Variants in ZNF791 observed in about 807,000 individuals in gnomAD.
ZNF791 encodes the protein zinc finger protein 791.
In ZNF791, 4 loss-of-function variants were observed where a neutral mutation model predicts 11.5. The ratio of observed to expected loss-of-function variants is 0.35; its 90% CI spans 0.17 to 0.80. The LOEUF (loss-of-function observed/expected upper bound fraction) is 0.80, where lower values mean the gene tolerates loss of function less well. Among genes scored for constraint, ZNF791 ranks in the 30% least tolerant of loss-of-function variants. The probability of loss-of-function intolerance (pLI) is 0.53; values close to 1 mark genes in which losing one functional copy is unlikely to be tolerated. For synonymous variants in ZNF791, 212 were observed against 228.1 expected (o/e 0.93, Z 0.64); for missense variants, 559 against 699.4 (o/e 0.80, Z 2.26).
chr19:12,629,269 T>TA lies in ZNF791; in HGVS notation c.*12dup. The TA allele has an allele frequency of 7.0e-7, 1 of 1,436,156 alleles. No individual in the cohort carries two copies. The highest frequency in any genetic ancestry group is 9.2e-7 in the Non-Finnish European group (1 of 1,091,034). 89.0% of individuals were successfully genotyped at this position (1,436,156 alleles called of 1,614,324 possible). A position where few individuals can be genotyped will look rare whatever the true frequency, so the allele number is the denominator to read the frequency against. On this transcript the variant is annotated 3_prime_UTR_variant, in exon 4 of 4. Coordinates refer to ENST00000343325, the MANE Select transcript of ZNF791 (RefSeq NM_153358.3). Reference sequence around the variant, plus strand: ...GAATGCACAATCGATAGAAACTCTATAAATGTGAGAAATAGGAGAAAGTTT... The same window carrying TA: ...GAATGCACAATCGATAGAAACTCTATAAAATGTGAGAAATAGGAGAAAGTTT...
At chr19:12,624,206 G>A (rs182990731) in intron 2 of ZNF791, among the ~76,000 whole-genome samples, 35 of 139,340 alleles carry the variant, frequency 2.5e-4, no homozygotes, top group African/African-American at 8.2e-4. Flanking sequence ...AGGGTGGAGT[G>A]CAGTGGCGGG....
chr19:12,624,771 C>A, intron 3 of ZNF791, 61 bp downstream of exon 3: 1 of 1,359,238 alleles, frequency 7.4e-7, no homozygotes, highest in Non-Finnish European at 1.0e-6. Context: ...ATGTTATGGC[C>A]GGGCACGGTG....
In ZNF791 at chr19:12,623,870, T is replaced by TGGC. The variant is rs2023389137; in HGVS notation, c.130+46_130+47insCGG. ...TTTCTTTTTTCTTTTTTTTTTTTTT[T>TGGC]GGGGGGGGACAGAGTTTCACTATTG... is the stretch of plus-strand genomic sequence containing the variant. On this transcript the variant is annotated intron_variant, in intron 2 of 3. Coordinates refer to ENST00000343325, the MANE Select transcript of ZNF791 (RefSeq NM_153358.3). The TGGC allele has an allele frequency of 3.9e-5, 28 of 715,332 alleles. 5 individuals are homozygous for TGGC. The highest frequency in any genetic ancestry group is 5.1e-5 in the Non-Finnish European group (25 of 489,834). The allele number at this position is 715,332 out of a possible 1,614,324, so 44.3% of individuals were successfully genotyped here.
chr19:12,627,737 A>G lies in ZNF791; in HGVS notation c.208A>G (p.Arg70Gly). The change falls in exon 4 of 4, where the codon AGA (arginine) becomes GGA (glycine). Residue 70 changes from arginine (R) to glycine (G), a missense_variant. Arg to Gly is a moderately radical substitution (Grantham distance 125). Transcript: ENST00000343325. ...TTTTTACAGAAGCCATACGGGAGAG[A>G]GACTCTGTGAAGGTAAAGAAGGTAG... ...GRNLRSHTGE[R>G]LCEGKEGSQC... 1 of 1,611,884 alleles carries G rather than the reference A, an allele frequency of 6.2e-7. No homozygotes were observed. The highest frequency in any genetic ancestry group is 1.1e-5 in the South Asian group (1 of 91,018).
rs1599329847 is a variant in ZNF791 at position 12,630,454 on chromosome 19, C to T, written c.*1194C>T. On this transcript the variant is annotated 3_prime_UTR_variant, in exon 4 of 4. Transcript: ENST00000343325. ...TGGGTGACAGAGCGAGACTCCGTCT[C>T]GAAAAAAAAAAAATTACAGCACAGA... 1 of 149,470 alleles carries T rather than the reference C, an allele frequency of 6.7e-6. No homozygotes were observed. 9.3% of individuals were successfully genotyped at this position (149,470 alleles called of 1,614,324 possible).
At position 12,633,022 on chromosome 19, in the gene ZNF791, G is replaced by A. The variant is rs1465963322; in HGVS notation, c.*3762G>A. 1 of 151,426 alleles carries A rather than the reference G, an allele frequency of 6.6e-6. No individual in the cohort carries two copies. Among genetic ancestry groups the A allele is most frequent in the African/African-American group, 2.4e-5 (1 of 41,184 alleles). The allele number at this position is 151,426 out of a possible 1,614,324, so 9.4% of individuals were successfully genotyped here. A position where few individuals can be genotyped will look rare whatever the true frequency, so the allele number is the denominator to read the frequency against. On this transcript the variant is annotated 3_prime_UTR_variant, in exon 4 of 4. Coordinates refer to ENST00000343325, the MANE Select transcript of ZNF791 (RefSeq NM_153358.3). ...AGGCAGGAGAATGGTGTGAACCCGG[G>A]AGGCGGAGCTTGCAGTGAGCCGAGA... is the stretch of plus-strand genomic sequence containing the variant.
In ZNF791 at chr19:12,611,011, G is replaced by T; in HGVS notation, c.-69G>T. On this transcript the variant is annotated 5_prime_UTR_variant, in exon 1 of 4. Transcript: ENST00000343325. ...GTCAGGTTGCTGTACCCCTGCATCG[G>T]ATGCGCTGTACCCTGCGCTGGCTCC... 2 of 1,610,768 alleles carry T rather than the reference G, an allele frequency of 1.2e-6. No homozygotes were observed. Among genetic ancestry groups the T allele is most frequent in the South Asian group, 2.2e-5 (2 of 90,986 alleles).
Position 12,633,193 on chromosome 19 carries a change from T to C in ZNF791, c.*3933T>C, listed in dbSNP as rs1440816391. ...CATAAGTTGGTAAGTATGTGAAGTT[T>C]ATCATATATTCTTATGCGAATTATT... On this transcript the variant is annotated 3_prime_UTR_variant, in exon 4 of 4. Transcript: ENST00000343325. 3 of 152,238 alleles carry C rather than the reference T, an allele frequency of 2.0e-5. No individual in the cohort carries two copies. Among genetic ancestry groups the C allele is most frequent in the African/African-American group, 4.8e-5 (2 of 41,456 alleles). The allele number at this position is 152,238 out of a possible 1,614,324, so 9.4% of individuals were successfully genotyped here. A position where few individuals can be genotyped will look rare whatever the true frequency, so the allele number is the denominator to read the frequency against.
At chr19:12,621,714 C>CGGGA (rs1028468268) in intron 1 of ZNF791, among the ~76,000 whole-genome samples, 3 of 74,980 alleles carry the variant, frequency 4.0e-5, no homozygotes, top group African/African-American at 5.0e-5. Flanking sequence ...ACCTCCACCT[C>CGGGA]GGTGGGGGGT....
At chr19:12,622,288 C>A (rs1397210826) in intron 1 of ZNF791, among the ~76,000 whole-genome samples, 1 of 143,520 alleles carries the variant, frequency 7.0e-6, no homozygotes, top group Non-Finnish European at 1.5e-5. Flanking sequence ...GACCTTCCCT[C>A]CACTATTGTC....
chr19:12,616,120 T>C (rs1327016181), intron 1 of ZNF791, among the ~76,000 whole-genome samples: 1 of 152,246 alleles, frequency 6.6e-6, no homozygotes, highest in Non-Finnish European at 1.5e-5. Context: ...CTTTGTACGT[T>C]CTAATAAGTG....
intron 1 of ZNF791, among the ~76,000 whole-genome samples, chr19:12,614,658 A>T (rs1436776054): frequency 7.1e-6 from 1 of 141,034 alleles, no homozygotes; most frequent in African/African-American, 2.7e-5. Flanking sequence ...GCAATGGCAC[A>T]ATCTCGGCTC....
At chr19:12,613,957 C>G (rs1434802668) in intron 1 of ZNF791, among the ~76,000 whole-genome samples, 4 of 152,124 alleles carry the variant, frequency 2.6e-5, no homozygotes, top group African/African-American at 9.7e-5. Context: ...TATAGGTGTA[C>G]TGGGTGTAAT....
chr19:12,614,528 C>T (rs1195871080), intron 1 of ZNF791, among the ~76,000 whole-genome samples: 4 of 151,930 alleles, frequency 2.6e-5, no homozygotes, highest in East Asian at 1.9e-4. Flanking sequence ...TGAGCCACCA[C>T]GCCAGGCCGG....
At position 12,628,595 on chromosome 19, in the gene ZNF791, T is replaced by C; in HGVS notation, c.1066T>C (p.Tyr356His). 1 of 1,602,390 alleles carries C rather than the reference T, an allele frequency of 6.2e-7. No individual in the cohort carries two copies. ...HVRVHTGEKP[Y>H]KCKECGKAFS... is the part of the protein sequence containing the mutation. The stretch of plus-strand genomic sequence containing the variant: ...GAGAGTGCATACTGGAGAGAAACCC[T>C]ATAAGTGTAAAGAATGTGGGAAAGC... The change falls in exon 4 of 4, where the codon TAT becomes CAT. Residue 356 changes from tyrosine (Y) to histidine (H), a missense_variant. Physicochemically the swap from Tyr to His is moderately conservative, Grantham distance 83. Coordinates refer to ENST00000343325, the MANE Select transcript of ZNF791 (RefSeq NM_153358.3).
intron 3 of ZNF791, among the ~76,000 whole-genome samples, chr19:12,626,658 G>C (rs181730328): frequency 6.6e-6 from 1 of 152,148 alleles, no homozygotes; most frequent in East Asian, 2.0e-4. Flanking sequence ...AGGCTGGAGT[G>C]CAGTGGTGCC....
chr19:12,614,782 T>C (rs754520545), intron 1 of ZNF791, among the ~76,000 whole-genome samples: 1 of 150,414 alleles, frequency 6.6e-6, no homozygotes, highest in Non-Finnish European at 1.5e-5. Context: ...TTAGTAGAGA[T>C]GGGGTTTCTC....
In ZNF791 at chr19:12,629,437, AC is replaced by A; in HGVS notation, c.*179del. 1 of 492,890 alleles carries A rather than the reference AC, an allele frequency of 2.0e-6. No individual in the cohort carries two copies. Among genetic ancestry groups the A allele is most frequent in the Non-Finnish European group, 3.4e-6 (1 of 292,634 alleles). The allele number at this position is 492,890 out of a possible 1,614,324, so 30.5% of individuals were successfully genotyped here. A position where few individuals can be genotyped will look rare whatever the true frequency, so the allele number is the denominator to read the frequency against. ...ATAATCATGTTTCAGTCAGCAATGG[AC>A]CATATAGGTTGGTAGCCCCATAAGA... On this transcript the variant is annotated 3_prime_UTR_variant, in exon 4 of 4. Transcript: ENST00000343325.
At chr19:12,612,146 A>C (rs1241556368) in intron 1 of ZNF791, 3 of 893,446 alleles carry the variant, frequency 3.4e-6, no homozygotes, top group Non-Finnish European at 4.0e-6. Context: ...ATTCAGATAG[A>C]AGTAATACTT....
Sources: allele counts gnomAD v4.1 joint callset (sites outside exome capture counted in the v4.1 genomes callset), GRCh38; gene constraint gnomAD v4.1.1; transcripts MANE v1.5; gene names NCBI Gene and HGNC (gene_info 2026-07-23, HGNC 2026-07-21).